The following EFCAB10 variants were observed in gnomAD, a reference collection of about 807,000 sequenced individuals.
EFCAB10 encodes the protein EF-hand calcium binding domain 10.
Under a neutral mutation model 7.7 loss-of-function variants are expected in EFCAB10, and 7 were observed. The ratio of observed to expected loss-of-function variants is 0.91; its 90% confidence interval spans 0.52 to 1.72. EFCAB10 has a LOEUF of 1.72. Among genes scored for constraint, EFCAB10 ranks in the 40% most tolerant of loss-of-function variants. EFCAB10 has a pLI of 0.00. For missense variants in EFCAB10, 112 were observed against 61.5 expected, an observed-to-expected ratio of 1.82 and a Z score of -2.74; for synonymous variants, 52 against 21.0, an observed-to-expected ratio of 2.47 and a Z score of -4.03.
chr7:105,567,656 C>A, intron 3 of EFCAB10, 166 bp from the exon 4 acceptor site: 1 of 518,764 alleles, frequency 1.9e-6, no homozygotes. Flanking sequence ...CAAACATAGC[C>A]AATAAATTTT....
At chr7:105,578,673 T>TG (rs1221198693) in intron 1 of EFCAB10, among the ~76,000 whole-genome samples, 2 of 152,180 alleles carry the variant, frequency 1.3e-5, no homozygotes, top group East Asian at 3.8e-4. Context: ...TGATGACATA[T>TG]GACATCAGAA....
chr7:105,580,659 T>C (rs1792202143), intron 1 of EFCAB10, among the ~76,000 whole-genome samples: 1 of 152,074 alleles, frequency 6.6e-6, no homozygotes, highest in Non-Finnish European at 1.5e-5. Context: ...AATTGGAATG[T>C]TTGGTATTTC....
At chr7:105,570,906 T>G (rs1272316166) in intron 1 of EFCAB10, among the ~76,000 whole-genome samples, 1 of 151,948 alleles carries the variant, frequency 6.6e-6, no homozygotes, top group African/African-American at 2.4e-5. Flanking sequence ...GTGCCTGTAG[T>G]CCCAGCTACT....
intron 4 of EFCAB10, 72 bp from the exon 5 acceptor site, chr7:105,565,519 CTTTG>C: frequency 6.2e-7 from 1 of 1,609,802 alleles, no homozygotes; most frequent in South Asian, 1.1e-5. Context: ...ATGAATTATT[CTTTG>C]TTTCAGATAA....
chr7:105,576,835 C>T (rs554223396), intron 1 of EFCAB10, among the ~76,000 whole-genome samples: 1 of 152,244 alleles, frequency 6.6e-6, no homozygotes, highest in East Asian at 1.9e-4. Context: ...GAGAGGATCA[C>T]TTGAGGTCAG....
intron 1 of EFCAB10, chr7:105,571,896 T>C (rs1791957666): frequency 6.6e-6 from 1 of 152,244 alleles, no homozygotes; most frequent in African/African-American, 2.4e-5. Context: ...ATTGACATGG[T>C]TAAATTCCCA....
intron 1 of EFCAB10, among the ~76,000 whole-genome samples, chr7:105,570,463 A>G (rs73192149): frequency 0.14 from 20,583 of 151,746 alleles, 1,813 homozygotes; most frequent in South Asian, 0.24. Flanking sequence ...GAAATAATGC[A>G]GAACAATCAT....
intron 4 of EFCAB10, chr7:105,567,243 A>T: frequency 6.2e-7 from 1 of 1,613,674 alleles, no homozygotes. Flanking sequence ...TGGAATTTAC[A>T]AACTGGCTCA....
At chr7:105,570,917 C>T (rs950045057) in intron 1 of EFCAB10, among the ~76,000 whole-genome samples, 3 of 151,788 alleles carry the variant, frequency 2.0e-5, no homozygotes, top group Admixed American at 1.3e-4. Flanking sequence ...CCCAGCTACT[C>T]GGGAGGCTGA....
In EFCAB10 at chr7:105,565,165, T is replaced by C. The variant is rs553231338; in HGVS notation, c.*282A>G. The C allele has an allele frequency of 1.2e-6, 1 of 822,054 alleles. No homozygotes were observed. The highest frequency in any genetic ancestry group is 1.8e-6 in the Non-Finnish European group (1 of 546,702). 50.9% of individuals were successfully genotyped at this position (822,054 alleles called of 1,614,324 possible). A position where few individuals can be genotyped will look rare whatever the true frequency, so the allele number is the denominator to read the frequency against. ...GCTTTTAATGTTAGGCTGTATATTTTTTCTTATCCAAAATGCCCTAGGACA... is the reference window on the plus strand; with the variant it reads ...GCTTTTAATGTTAGGCTGTATATTTCTTCTTATCCAAAATGCCCTAGGACA... On this transcript the variant is annotated 3_prime_UTR_variant, in exon 5 of 5. Coordinates refer to ENST00000480514, the MANE Select transcript of EFCAB10 (RefSeq NM_001355526.2).
At chr7:105,574,438 T>A (rs956071456) in intron 1 of EFCAB10, among the ~76,000 whole-genome samples, 3 of 151,618 alleles carry the variant, frequency 2.0e-5, no homozygotes, top group African/African-American at 7.3e-5. Flanking sequence ...GAGGAGCAAG[T>A]CATGTCTTAC....
In EFCAB10 at chr7:105,569,412, T is replaced by G. The variant is rs1791878785; in HGVS notation, c.266A>C (p.Lys89Thr). 4 of 701,524 alleles carry G rather than the reference T, an allele frequency of 5.7e-6. No individual in the cohort carries two copies. The highest frequency in any genetic ancestry group is 1.0e-5 in the Non-Finnish European group (4 of 384,744). 43.5% of individuals were successfully genotyped at this position (701,524 alleles called of 1,614,324 possible). A position where few individuals can be genotyped will look rare whatever the true frequency, so the allele number is the denominator to read the frequency against. ...AATTTGTAGAATGTACTGACCTTCT[T>G]TATACTGCACAAATGATATGGTGCC... ...GRGTISFVQY[K>T]EALKTLGLCT... Residue 89 changes from lysine to threonine, a missense_variant, in exon 2 of 5, where the codon AAA (lysine) becomes ACA (threonine). Lys to Thr is a moderately conservative substitution (Grantham distance 78). Coordinates refer to ENST00000480514, the MANE Select transcript of EFCAB10 (RefSeq NM_001355526.2).
intron 3 of EFCAB10, among the ~76,000 whole-genome samples, chr7:105,568,736 A>C (rs1350869529): frequency 9.9e-5 from 15 of 151,928 alleles, no homozygotes; most frequent in Admixed American, 9.9e-4. Flanking sequence ...ATCACTTGAG[A>C]TCAGGAGTTT....
Position 105,578,153 on chromosome 7 carries a change from T to C in EFCAB10, c.106+3205A>G, listed in dbSNP as rs539009106. 2.0e-5 allele frequency among the ~76,000 whole-genome samples: 3 copies of C among 152,332 alleles called. No homozygotes were observed. The South Asian group carries it at 6.2e-4, about 32-fold the overall frequency. On this transcript the variant is annotated intron_variant, in intron 1 of 4. Transcript: ENST00000480514. ...TCCAGTTGGCCTGGGACAGTCCTAG[T>C]TTACCATGTTGTCCTGGCATAATTA...
chr7:105,575,458 G>C (rs12705314), intron 1 of EFCAB10, among the ~76,000 whole-genome samples: 1 of 151,724 alleles, frequency 6.6e-6, no homozygotes, highest in African/African-American at 2.4e-5. Flanking sequence ...ACAAGTGTCC[G>C]CCACCATGCT....
rs190817225 is a variant in EFCAB10 at position 105,577,962 on chromosome 7, C to T, written c.106+3396G>A. On this transcript the variant is annotated intron_variant, in intron 1 of 4. Transcript: ENST00000480514. ...TATTTTTAGTAGAGATAGTTTTTCA[C>T]CACGTTGGCCAGGCTGGTCTCGAAC... Among the ~76,000 whole-genome samples the T allele has an allele frequency of 2.6e-5, 4 of 152,340 alleles. No homozygotes were observed. The East Asian group carries it at 7.7e-4, about 29-fold the overall frequency.
chr7:105,568,023 T>A (rs1183412428), intron 3 of EFCAB10, among the ~76,000 whole-genome samples: 1 of 152,100 alleles, frequency 6.6e-6, no homozygotes, highest in African/African-American at 2.4e-5. Context: ...CATTGTGAGA[T>A]GGTGAATAAG....
intron 3 of EFCAB10, among the ~76,000 whole-genome samples, chr7:105,568,874 C>T (rs571240978): frequency 2.0e-4 from 31 of 151,414 alleles, no homozygotes; most frequent in African/African-American, 7.3e-4. Context: ...CGCTTGAACC[C>T]GGGAGGTGGA....
At chr7:105,578,224 A>G (rs933198407) in intron 1 of EFCAB10, among the ~76,000 whole-genome samples, 1 of 152,250 alleles carries the variant, frequency 6.6e-6, no homozygotes, top group South Asian at 2.1e-4. Flanking sequence ...TTTGGATGAT[A>G]ACTCATACAG....
Sources: gnomAD v4.1 joint callset for allele counts (sites outside exome capture counted in the v4.1 genomes callset) on GRCh38, gnomAD v4.1.1 for gene constraint, MANE v1.5 for transcripts, NCBI Gene and HGNC (gene_info 2026-07-23, HGNC 2026-07-21) for gene names.